Variants in COL11A1 observed in about 807,000 individuals in gnomAD.
COL11A1 encodes collagen type XI alpha 1 chain, also known as collagen alpha-1(XI) chain.
Under a neutral mutation model 265.2 loss-of-function variants are expected in COL11A1, and 74 were observed. The ratio of observed to expected loss-of-function variants is 0.28; its 90% confidence interval spans 0.23 to 0.34. COL11A1 has a LOEUF of 0.34. Among genes scored for constraint, COL11A1 ranks in the 10% least tolerant of loss-of-function variants. The pLI is 1.00. For missense variants in COL11A1, 2,165 were observed against 2,263.6 expected (o/e 0.96, Z 0.88); for synonymous variants, 816 against 727.6 (o/e 1.12, Z -1.96).
chr1:103,082,635 G>C (rs1341318873), intron 2 of COL11A1, among the ~76,000 whole-genome samples, 170 bp downstream of exon 2: 1 of 151,936 alleles, frequency 6.6e-6, no homozygotes, highest in Non-Finnish European at 1.5e-5. Flanking sequence ...GTGACCACAA[G>C]GTATTTGGTG....
chr1:103,085,234 TATTCATTC>T (rs1213623745), intron 1 of COL11A1, among the ~76,000 whole-genome samples: 1 of 152,230 alleles, frequency 6.6e-6, no homozygotes, highest in Non-Finnish European at 1.5e-5. Flanking sequence ...TAACAATTTG[TATTCATTC>T]ATTCATTTGT....
At chr1:103,094,367 C>CT in intron 1 of COL11A1, among the ~76,000 whole-genome samples, 1 of 152,224 alleles carries the variant, frequency 6.6e-6, no homozygotes, top group South Asian at 2.1e-4. Context: ...CTTTTGCCTT[C>CT]TTTTATCACA....
intron 54 of COL11A1, among the ~76,000 whole-genome samples, chr1:102,907,307 A>G (rs1307818545): frequency 6.6e-6 from 1 of 152,100 alleles, no homozygotes; most frequent in Admixed American, 6.6e-5. Flanking sequence ...TAAAATTTTT[A>G]TGAGGTTATT....
intron 41 of COL11A1, among the ~76,000 whole-genome samples, chr1:102,956,824 A>G (rs1188043735): frequency 3.3e-5 from 5 of 151,876 alleles, no homozygotes; most frequent in Non-Finnish European, 7.4e-5. Context: ...TTTTGACTCC[A>G]TTATTTCTGT....
At chr1:102,915,095 G>A (rs768429278) in intron 50 of COL11A1, among the ~76,000 whole-genome samples, 1 of 152,012 alleles carries the variant, frequency 6.6e-6, no homozygotes, top group Admixed American at 6.6e-5. Context: ...TAGTAGAGAC[G>A]GGGTTTTACC....
intron 62 of COL11A1, 151 bp from the exon 63 acceptor site, chr1:102,887,207 A>T: frequency 1.1e-6 from 1 of 876,070 alleles, no homozygotes; most frequent in Non-Finnish European, 1.8e-6. Flanking sequence ...TAAGTTTATA[A>T]ATATATAAAC....
chr1:103,094,086 A>T lies in COL11A1; in HGVS notation c.107-11114T>A, dbSNP rs188658314. 7.9e-5 allele frequency among the ~76,000 whole-genome samples: 12 copies of T among 152,258 alleles called. No homozygotes were observed. The East Asian group carries it at 2.3e-3, about 29-fold the overall frequency. On this transcript the variant is annotated intron_variant, in intron 1 of 66. Transcript: ENST00000370096. ...TTATCCATGGCTTCACAGGATTTGC[A>T]GCAGAGCCAATAAAGGAAATCAGGA...
chr1:103,035,414 C>A (rs976129405), intron 4 of COL11A1, among the ~76,000 whole-genome samples: 2 of 152,056 alleles, frequency 1.3e-5, no homozygotes, highest in African/African-American at 4.8e-5. Flanking sequence ...CTCAAAAACA[C>A]ACATCCACTA....
intron 4 of COL11A1, among the ~76,000 whole-genome samples, chr1:103,042,599 A>G (rs1668898122): frequency 6.6e-6 from 1 of 152,160 alleles, no homozygotes; most frequent in Admixed American, 6.6e-5. Flanking sequence ...GAAGGGAAAA[A>G]GGTTGGCATT....
chr1:103,004,909 T>C (rs1037597358), intron 18 of COL11A1, among the ~76,000 whole-genome samples: 1 of 150,676 alleles, frequency 6.6e-6, no homozygotes, highest in African/African-American at 2.5e-5. Context: ...AAAAGAGTTA[T>C]GTAAAATAAG....
At chr1:102,943,933 A>G (rs1367803085) in intron 42 of COL11A1, among the ~76,000 whole-genome samples, 3 of 152,096 alleles carry the variant, frequency 2.0e-5, no homozygotes, top group African/African-American at 7.2e-5. Flanking sequence ...TTTCCCTATC[A>G]AAATTTTCTA....
At chr1:102,954,998 A>G (rs1660236620) in intron 41 of COL11A1, among the ~76,000 whole-genome samples, 1 of 152,220 alleles carries the variant, frequency 6.6e-6, no homozygotes, top group Admixed American at 6.5e-5. Context: ...TCTGATGATC[A>G]AAGTCAAATC....
At chr1:102,908,843 A>G (rs1654306940) in intron 54 of COL11A1, among the ~76,000 whole-genome samples, 2 of 152,228 alleles carry the variant, frequency 1.3e-5, no homozygotes, top group Non-Finnish European at 2.9e-5. Context: ...AAGGGTTTTT[A>G]AATACATTTT....
At chr1:103,026,703 T>C (rs1363327678) in intron 5 of COL11A1, among the ~76,000 whole-genome samples, 1 of 152,132 alleles carries the variant, frequency 6.6e-6, no homozygotes, top group East Asian at 1.9e-4. Context: ...AATGTTTCTC[T>C]ATAAGAGCGC....
intron 4 of COL11A1, among the ~76,000 whole-genome samples, chr1:103,048,717 C>A (rs1183307806): frequency 6.6e-6 from 1 of 152,150 alleles, no homozygotes; most frequent in Non-Finnish European, 1.5e-5. Flanking sequence ...ATCTTTCCTG[C>A]TTTCTCTTGT....
At chr1:102,970,187 A>G in intron 37 of COL11A1, 32 bp downstream of exon 37, 2 of 1,599,322 alleles carry the variant, frequency 1.3e-6, no homozygotes, top group Non-Finnish European at 1.7e-6. Context: ...CTAGAGATGG[A>G]AATTTTTAAT....
intron 4 of COL11A1, among the ~76,000 whole-genome samples, chr1:103,053,851 G>A (rs1670022680): frequency 6.6e-6 from 1 of 152,138 alleles, no homozygotes; most frequent in Non-Finnish European, 1.5e-5. Flanking sequence ...ACTGCTAAAA[G>A]ATACTATCAT....
intron 57 of COL11A1, 92 bp from the exon 58 acceptor site, chr1:102,890,596 T>C: frequency 1.9e-6 from 2 of 1,056,966 alleles, no homozygotes; most frequent in East Asian, 2.6e-5. Context: ...AGTTTAGTTT[T>C]GAAAATACGG....
chr1:102,987,768 T>C, intron 29 of COL11A1, 28 bp from the exon 30 acceptor site: 2 of 1,527,336 alleles, frequency 1.3e-6, no homozygotes, highest in Non-Finnish European at 1.8e-6. Context: ...AACATTCTTA[T>C]GAGTGAAACG....
Sources: gnomAD v4.1 joint callset for allele counts (sites outside exome capture counted in the v4.1 genomes callset) on GRCh38, gnomAD v4.1.1 for gene constraint, MANE v1.5 for transcripts, NCBI Gene and HGNC (gene_info 2026-07-23, HGNC 2026-07-21) for gene names.